THADA: variants seen among roughly 807,000 people sequenced by gnomAD.
THADA encodes the protein THADA armadillo repeat containing.
THADA carries 213 observed loss-of-function variants against 219.8 expected under a neutral mutation model. The ratio of observed to expected loss-of-function variants is 0.97; its 90% CI spans 0.87 to 1.09. THADA has a LOEUF of 1.09. THADA is among the 50% of genes least tolerant of loss of function. THADA has a pLI of 0.00. For missense variants in THADA, 2,956 were observed against 2,311.3 expected (o/e 1.28, Z -5.72); for synonymous variants, 1,018 against 828.9 (o/e 1.23, Z -3.92).
intron 28 of THADA, among the ~76,000 whole-genome samples, chr2:43,427,499 A>C (rs1263773180): frequency 8.9e-5 from 5 of 55,880 alleles, no homozygotes; most frequent in Non-Finnish European, 1.2e-4. Context: ...ACCCCTCCCA[A>C]AGTTTGTGTG....
chr2:43,311,952 A>T (rs1258186704), intron 31 of THADA, among the ~76,000 whole-genome samples: 1 of 152,212 alleles, frequency 6.6e-6, no homozygotes, highest in Non-Finnish European at 1.5e-5. Flanking sequence ...TAATCCCAGC[A>T]CTTTGGGAGG....
chr2:43,578,378 C>T (rs1700076728), intron 9 of THADA, 135 bp downstream of exon 9: 1 of 513,256 alleles, frequency 1.9e-6, no homozygotes, highest in African/African-American at 2.0e-5. Context: ...AACTCCTGGC[C>T]TCAAGTGACC....
intron 28 of THADA, among the ~76,000 whole-genome samples, chr2:43,413,778 C>T (rs367570834): frequency 1.3e-5 from 2 of 152,114 alleles, no homozygotes; most frequent in Non-Finnish European, 2.9e-5. Flanking sequence ...TTAAGGTATT[C>T]GGTACTCACA....
chr2:43,361,341 A>C (rs902632138), intron 29 of THADA, among the ~76,000 whole-genome samples: 4 of 152,236 alleles, frequency 2.6e-5, no homozygotes, highest in African/African-American at 4.8e-5. Context: ...AGTCTAAAAG[A>C]TAATTGATGT....
At chr2:43,336,587 T>G (rs965824069) in intron 30 of THADA, among the ~76,000 whole-genome samples, 56 of 152,162 alleles carry the variant, frequency 3.7e-4, no homozygotes, top group African/African-American at 1.2e-3. Context: ...TTTTTTTTTT[T>G]GAAGTGCCAT....
chr2:43,314,274 T>C (rs1677829565), intron 31 of THADA, among the ~76,000 whole-genome samples: 1 of 152,108 alleles, frequency 6.6e-6, no homozygotes, highest in African/African-American at 2.4e-5. Flanking sequence ...TCATGAGTCA[T>C]ATTTCAATAT....
intron 30 of THADA, among the ~76,000 whole-genome samples, chr2:43,341,779 G>A (rs1172905024): frequency 2.6e-5 from 4 of 152,152 alleles, no homozygotes; most frequent in Non-Finnish European, 5.9e-5. Flanking sequence ...AGGAAGAAGT[G>A]GCCTATTACC....
intron 35 of THADA, among the ~76,000 whole-genome samples, chr2:43,285,683 T>G (rs1673913556): frequency 6.6e-6 from 1 of 151,850 alleles, no homozygotes; most frequent in Non-Finnish European, 1.5e-5. Flanking sequence ...CCTGAATAGC[T>G]GGGATTACAG....
chr2:43,358,807 C>T (rs188784783), intron 29 of THADA, among the ~76,000 whole-genome samples: 51 of 152,278 alleles, frequency 3.3e-4, no homozygotes, highest in Non-Finnish European at 6.2e-4. Context: ...CAGACAGACT[C>T]CTCTTTTAGA....
chr2:43,566,454 T>C (rs1366722591), intron 15 of THADA: 8 of 715,956 alleles, frequency 1.1e-5, no homozygotes, highest in Non-Finnish European at 1.8e-5. Context: ...CTTTCCATAA[T>C]AAGCATAATC....
intron 34 of THADA, 90 bp downstream of exon 34, chr2:43,291,606 C>T (rs577574566): frequency 4.3e-6 from 4 of 935,684 alleles, no homozygotes; most frequent in Non-Finnish European, 4.6e-6. Flanking sequence ...GGGGTTCTGC[C>T]TGCTAAGACT....
intron 31 of THADA, among the ~76,000 whole-genome samples, chr2:43,318,216 T>A (rs1024911245): frequency 1.3e-5 from 2 of 151,944 alleles, no homozygotes; most frequent in African/African-American, 4.8e-5. Context: ...ATTAAATTTT[T>A]TTTTTTTTAG....
chr2:43,319,058 A>T (rs766710871), intron 31 of THADA, among the ~76,000 whole-genome samples: 1 of 152,238 alleles, frequency 6.6e-6, no homozygotes, highest in Non-Finnish European at 1.5e-5. Context: ...AGCCCTTTAG[A>T]TACATAGGCA....
chr2:43,238,934 A>C (rs1668343738), intron 36 of THADA, among the ~76,000 whole-genome samples: 1 of 152,112 alleles, frequency 6.6e-6, no homozygotes, highest in East Asian at 1.9e-4. Flanking sequence ...TGTGGGGAAT[A>C]AATGATCTCC....
At chr2:43,467,199 A>AC (rs1314225193) in intron 26 of THADA, among the ~76,000 whole-genome samples, 2 of 148,794 alleles carry the variant, frequency 1.3e-5, no homozygotes, top group Non-Finnish European at 3.0e-5. Context: ...AAAAAAAAAA[A>AC]AAAAAAACAC....
chr2:43,593,591 T>A (rs1303041534), intron 1 of THADA, among the ~76,000 whole-genome samples: 1 of 151,672 alleles, frequency 6.6e-6, no homozygotes, highest in Non-Finnish European at 1.5e-5. Context: ...CTAGACTGTT[T>A]TGGAGAAAAA....
chr2:43,368,638 T>C (rs1029578317), intron 29 of THADA, among the ~76,000 whole-genome samples: 1 of 151,910 alleles, frequency 6.6e-6, no homozygotes, highest in African/African-American at 2.4e-5. Flanking sequence ...CCTCAAGTGA[T>C]CCTCTTGTCT....
intron 26 of THADA, among the ~76,000 whole-genome samples, chr2:43,470,227 G>A (rs924142174): frequency 4.4e-4 from 59 of 134,302 alleles, no homozygotes; most frequent in African/African-American, 8.6e-4. Context: ...AAAAAAAAAA[G>A]AAAGAAGGAA....
At chr2:43,399,129 C>G (rs192120517) in intron 28 of THADA, among the ~76,000 whole-genome samples, 1 of 152,250 alleles carries the variant, frequency 6.6e-6, no homozygotes, top group Non-Finnish European at 1.5e-5. Context: ...GAGGAAAGTC[C>G]AATATGCTAA....
Sources: allele counts gnomAD v4.1 joint callset (sites outside exome capture counted in the v4.1 genomes callset), GRCh38; gene constraint gnomAD v4.1.1; transcripts MANE v1.5; gene names NCBI Gene and HGNC (gene_info 2026-07-23, HGNC 2026-07-21).